Variants in AHCYL2 observed in about 807,000 individuals in gnomAD.
AHCYL2 encodes S-adenosylhomocysteine hydrolase-like protein 2.
AHCYL2 carries 28 observed loss-of-function variants against 81.4 expected under a neutral mutation model. The ratio of observed to expected loss-of-function variants is 0.34; its 90% confidence interval spans 0.25 to 0.47. The LOEUF (loss-of-function observed/expected upper bound fraction) is 0.47. AHCYL2 is among the 20% of genes least tolerant of loss of function. The probability of loss-of-function intolerance (pLI) is 1.00; values close to 1 mark genes in which losing one functional copy is unlikely to be tolerated. For synonymous variants in AHCYL2, 272 were observed against 290.2 expected (o/e 0.94, Z 0.64); for missense variants, 551 against 785.1 (o/e 0.70, Z 3.56).
chr7:129,247,361 C>CT (rs1180006815), intron 1 of AHCYL2, among the ~76,000 whole-genome samples: 2 of 152,098 alleles, frequency 1.3e-5, no homozygotes, highest in African/African-American at 2.4e-5. Context: ...ATTTGTATAT[C>CT]TTTTTTGCTA....
At chr7:129,307,934 T>C (rs957210651) in intron 1 of AHCYL2, among the ~76,000 whole-genome samples, 1 of 151,888 alleles carries the variant, frequency 6.6e-6, no homozygotes, top group Admixed American at 6.6e-5. Flanking sequence ...TCTTTCCTAC[T>C]GTGGCTGAAC....
At chr7:129,280,223 A>G (rs1250034040) in intron 1 of AHCYL2, among the ~76,000 whole-genome samples, 1 of 117,274 alleles carries the variant, frequency 8.5e-6, no homozygotes, top group Non-Finnish European at 1.6e-5. Context: ...AGGCTGGAGT[A>G]CAGTGGCACG....
chr7:129,426,351 G>T lies in AHCYL2; in HGVS notation c.1709-92G>T. ...CATTCAGCTCCAGGAATTAGAAGGTGTCTTTGAACTTTTTAAGGCCTAGCT... is the reference window on the plus strand; with the variant it reads ...CATTCAGCTCCAGGAATTAGAAGGTTTCTTTGAACTTTTTAAGGCCTAGCT... On this transcript the variant is annotated intron_variant, in intron 15 of 16. Coordinates refer to ENST00000325006, the MANE Select transcript of AHCYL2 (RefSeq NM_015328.4). This position sits in a 1 kb window ranked among gnomAD's most constrained non-coding sequence, Gnocchi z 4.3. The T allele has an allele frequency of 6.3e-7, 1 of 1,588,294 alleles. No individual in the cohort carries two copies. Among genetic ancestry groups the T allele is most frequent in the Non-Finnish European group, 8.6e-7 (1 of 1,157,628 alleles).
chr7:129,347,947 C>T (rs896417277), intron 1 of AHCYL2, among the ~76,000 whole-genome samples: 11 of 152,144 alleles, frequency 7.2e-5, no homozygotes, highest in African/African-American at 2.7e-4. Context: ...ACCTCCTTCC[C>T]CTGTGGATTC....
At chr7:129,239,383 A>G (rs908237449) in intron 1 of AHCYL2, among the ~76,000 whole-genome samples, 1 of 151,850 alleles carries the variant, frequency 6.6e-6, no homozygotes, top group Non-Finnish European at 1.5e-5. Context: ...TGTTGAGTAG[A>G]TGTTGGCTTA....
In AHCYL2 at chr7:129,426,055, G is replaced by A. The variant is rs1356576752; in HGVS notation, c.1709-388G>A. On this transcript the variant is annotated intron_variant, in intron 15 of 16. Transcript: ENST00000325006. This position sits in a 1 kb window ranked among gnomAD's most constrained non-coding sequence, Gnocchi z 4.3. ...AGTTTTTCCATTCAAGTTTCCCCAG[G>A]CATTAGTTGTTTTAAATGACCCAAA... is the stretch of plus-strand genomic sequence containing the variant. Among the ~76,000 whole-genome samples the A allele has an allele frequency of 6.6e-6, 1 of 152,140 alleles. No individual in the cohort carries two copies. The highest frequency in any genetic ancestry group is 1.9e-4 in the East Asian group (1 of 5,194).
rs1797467370 is a variant in AHCYL2, at chr7:129,428,885, A to G, written c.*1840A>G. On this transcript the variant is annotated 3_prime_UTR_variant, in exon 17 of 17. Transcript: ENST00000325006. ...TGTAAGGAAGATCATAAATGCTAAA[A>G]ATTCCACTAAGCCATTCAGTTCTTC... is the stretch of plus-strand genomic sequence containing the variant. 6.6e-6 allele frequency: 1 copy of G among 152,216 alleles called. No individual in the cohort carries two copies. Among genetic ancestry groups the G allele is most frequent in the Non-Finnish European group, 1.5e-5 (1 of 68,048 alleles). The allele number at this position is 152,216 out of a possible 1,614,324, so 9.4% of individuals were successfully genotyped here.
chr7:129,394,673 G>A (rs888009351), intron 4 of AHCYL2, among the ~76,000 whole-genome samples: 3 of 151,922 alleles, frequency 2.0e-5, no homozygotes, highest in East Asian at 3.9e-4. Flanking sequence ...TCAAACTCCC[G>A]ACCCCAGGTG....
intron 1 of AHCYL2, among the ~76,000 whole-genome samples, chr7:129,240,885 AT>A (rs1400193289): frequency 6.6e-6 from 1 of 151,950 alleles, no homozygotes; most frequent in Non-Finnish European, 1.5e-5. Flanking sequence ...AAGAGATGTA[AT>A]TTTCATTTTT....
chr7:129,424,797 C>A, intron 13 of AHCYL2, 77 bp from the exon 14 acceptor site: 1 of 1,499,170 alleles, frequency 6.7e-7, no homozygotes. Flanking sequence ...AAATGGTGGT[C>A]ATGCTTCTCT....
intron 1 of AHCYL2, among the ~76,000 whole-genome samples, chr7:129,308,527 T>G (rs1361917739): frequency 6.6e-6 from 1 of 152,248 alleles, no homozygotes; most frequent in Non-Finnish European, 1.5e-5. Context: ...TAAAACCAGG[T>G]ACTGTGATTG....
At chr7:129,377,695 G>A in intron 1 of AHCYL2, 1 of 436,654 alleles carries the variant, frequency 2.3e-6, no homozygotes. Context: ...TCCAGAATAG[G>A]CAATTATACA....
At position 129,427,063 on chromosome 7, in the gene AHCYL2, C is replaced by T. The variant is rs1321479965; in HGVS notation, c.*18C>T. 1 of 1,602,332 alleles carries T rather than the reference C, an allele frequency of 6.2e-7. No individual in the cohort carries two copies. Among genetic ancestry groups the T allele is most frequent in the Non-Finnish European group, 8.6e-7 (1 of 1,169,534 alleles). ...GGTATTAAGTTCCTGTAACTCAAACCAGAATTTTTAAGGAATAGAACTCCA... is the reference window on the plus strand; with the variant it reads ...GGTATTAAGTTCCTGTAACTCAAACTAGAATTTTTAAGGAATAGAACTCCA... On this transcript the variant is annotated 3_prime_UTR_variant, in exon 17 of 17. Coordinates refer to ENST00000325006, the MANE Select transcript of AHCYL2 (RefSeq NM_015328.4). This position sits in a 1 kb window ranked among gnomAD's most constrained non-coding sequence, Gnocchi z 5.5.
intron 4 of AHCYL2, among the ~76,000 whole-genome samples, chr7:129,396,031 T>C (rs976618333): frequency 6.6e-6 from 1 of 152,232 alleles, no homozygotes; most frequent in Non-Finnish European, 1.5e-5. Context: ...CCTCAAATCT[T>C]TGATGGGCTC....
At chr7:129,304,500 A>G (rs1441649656) in intron 1 of AHCYL2, among the ~76,000 whole-genome samples, 2 of 152,126 alleles carry the variant, frequency 1.3e-5, no homozygotes, top group Admixed American at 6.5e-5. Context: ...CTAGCTAGCT[A>G]TTGTTTTGGA....
chr7:129,362,597 GTTTTTTTTTTTTTTT>G (rs769346623), intron 1 of AHCYL2, among the ~76,000 whole-genome samples: 1 of 63,630 alleles, frequency 1.6e-5, no homozygotes, highest in African/African-American at 5.3e-5. Flanking sequence ...TGGTTTTCTT[GTTTTTTTTTTTTTTT>G]TTTTTTTTTT....
At chr7:129,341,543 T>A (rs1192356588) in intron 1 of AHCYL2, among the ~76,000 whole-genome samples, 1 of 152,114 alleles carries the variant, frequency 6.6e-6, no homozygotes, top group African/African-American at 2.4e-5. Flanking sequence ...TCGTTAGAAT[T>A]AACTAAAAGC....
chr7:129,333,889 C>T (rs1049377558), intron 1 of AHCYL2, among the ~76,000 whole-genome samples: 1 of 152,002 alleles, frequency 6.6e-6, no homozygotes, highest in Non-Finnish European at 1.5e-5. Context: ...TTTTTCATGG[C>T]CCAGTCTTCA....
At chr7:129,396,114 A>G (rs1353283130) in intron 4 of AHCYL2, among the ~76,000 whole-genome samples, 1 of 151,862 alleles carries the variant, frequency 6.6e-6, no homozygotes, top group East Asian at 1.9e-4. Context: ...TTGTTCATTT[A>G]TTTGTTTGTT....
Sources: allele counts gnomAD v4.1 joint callset (sites outside exome capture counted in the v4.1 genomes callset), GRCh38; gene constraint gnomAD v4.1.1; non-coding constraint Gnocchi (gnomAD v3.1); transcripts MANE v1.5; gene names NCBI Gene and HGNC (gene_info 2026-07-23, HGNC 2026-07-21).